The following FGF5 variants were observed in gnomAD, a reference collection of about 807,000 sequenced individuals.
FGF5 encodes heparin-binding growth factor 5.
Under a neutral mutation model 21.8 loss-of-function variants are expected in FGF5, and 23 were observed. That is an observed-to-expected ratio of 1.05 (90% CI 0.76 to 1.49). The LOEUF (loss-of-function observed/expected upper bound fraction) is 1.49. Among genes scored for constraint, FGF5 ranks in the 40% most tolerant of loss-of-function variants. The probability of loss-of-function intolerance (pLI) is 0.00; values close to 1 mark genes in which losing one functional copy is unlikely to be tolerated. For synonymous variants in FGF5, 158 were observed against 124.0 expected (o/e 1.27, Z -1.82); for missense variants, 352 against 332.9 (o/e 1.06, Z -0.45).
chr4:80,275,683 C>A (rs1232507890), intron 2 of FGF5, among the ~76,000 whole-genome samples: 2 of 151,894 alleles, frequency 1.3e-5, no homozygotes, highest in East Asian at 3.8e-4. Flanking sequence ...TATGAAAGTT[C>A]CCATTACCTG....
intron 2 of FGF5, among the ~76,000 whole-genome samples, chr4:80,284,128 G>A (rs1432858234): frequency 6.6e-6 from 1 of 152,132 alleles, no homozygotes; most frequent in Non-Finnish European, 1.5e-5. Context: ...TACATAGGTG[G>A]TGATTGTTTA....
chr4:80,267,353 C>A (rs1578289510), intron 1 of FGF5, among the ~76,000 whole-genome samples, 174 bp downstream of exon 1: 1 of 152,156 alleles, frequency 6.6e-6, no homozygotes, highest in Non-Finnish European at 1.5e-5. Flanking sequence ...ATATGGCGTG[C>A]GCACACGCAC....
At chr4:80,286,260 T>TA in intron 2 of FGF5, 65 bp from the exon 3 acceptor site, 1 of 1,106,234 alleles carries the variant, frequency 9.0e-7, no homozygotes, top group Admixed American at 2.3e-5. Flanking sequence ...TACAATACCT[T>TA]ATGTTTTATT....
At position 80,289,783 on chromosome 4, in the gene FGF5, C is replaced by A. The variant is rs1489480668; in HGVS notation, c.*3111C>A. 1 of 151,812 alleles carries A rather than the reference C, an allele frequency of 6.6e-6. No individual in the cohort carries two copies. Among genetic ancestry groups the A allele is most frequent in the African/African-American group, 2.4e-5 (1 of 41,334 alleles). The allele number at this position is 151,812 out of a possible 1,614,324, so 9.4% of individuals were successfully genotyped here. The stretch of plus-strand genomic sequence containing the variant: ...GTTCTTTCAGCTGAATTATATTGGT[C>A]CAGAAGTTCAAAATCATGTGACAAT... On this transcript the variant is annotated 3_prime_UTR_variant, in exon 3 of 3. Transcript: ENST00000312465.
chr4:80,284,207 G>T (rs906475742), intron 2 of FGF5, among the ~76,000 whole-genome samples: 1 of 152,146 alleles, frequency 6.6e-6, no homozygotes. Context: ...GCCGAGGCAG[G>T]CAGATTATCT....
chr4:80,281,411 T>C (rs921579755), intron 2 of FGF5, among the ~76,000 whole-genome samples: 13 of 152,226 alleles, frequency 8.5e-5, no homozygotes, highest in African/African-American at 3.1e-4. Flanking sequence ...TTTTGTTATT[T>C]AATAATATTA....
At chr4:80,267,321 C>G (rs1720125208) in intron 1 of FGF5, 142 bp downstream of exon 1, 2 of 679,068 alleles carry the variant, frequency 2.9e-6, no homozygotes, top group South Asian at 1.9e-5. Flanking sequence ...AACAGCCGGG[C>G]GGGTTGGGTG....
chr4:80,267,647 C>T (rs1720134669), intron 1 of FGF5, among the ~76,000 whole-genome samples: 1 of 152,214 alleles, frequency 6.6e-6, no homozygotes, highest in Non-Finnish European at 1.5e-5. Flanking sequence ...TTCCCTCTTC[C>T]ATCCGCTACC....
At chr4:80,280,158 G>A (rs1175806471) in intron 2 of FGF5, among the ~76,000 whole-genome samples, 1 of 152,180 alleles carries the variant, frequency 6.6e-6, no homozygotes, top group Non-Finnish European at 1.5e-5. Flanking sequence ...CTAGATCAAG[G>A]CATTTGAAAA....
rs1305888858 is a variant in FGF5 at position 80,287,291 on chromosome 4, A to C, written c.*619A>C. 1 of 152,112 alleles carries C rather than the reference A, an allele frequency of 6.6e-6. No homozygotes were observed. The highest frequency in any genetic ancestry group is 2.4e-5 in the African/African-American group (1 of 41,420). 9.4% of individuals were successfully genotyped at this position (152,112 alleles called of 1,614,324 possible). A position where few individuals can be genotyped will look rare whatever the true frequency, so the allele number is the denominator to read the frequency against. On this transcript the variant is annotated 3_prime_UTR_variant, in exon 3 of 3. Coordinates refer to ENST00000312465, the MANE Select transcript of FGF5 (RefSeq NM_004464.4). ...TTTATTTCTAGCCATACCTCAGATA[A>C]TATGTTTAGTTTTACATTTTAAAAT...
At chr4:80,285,164 T>C (rs1456625613) in intron 2 of FGF5, among the ~76,000 whole-genome samples, 3 of 152,116 alleles carry the variant, frequency 2.0e-5, no homozygotes. Context: ...TTTGATTGCA[T>C]GTCTGACTCC....
chr4:80,281,789 A>G (rs1720561246), intron 2 of FGF5, among the ~76,000 whole-genome samples: 1 of 152,174 alleles, frequency 6.6e-6, no homozygotes, highest in South Asian at 2.1e-4. Context: ...TATTTGGTTT[A>G]ATTGACCTGT....
In FGF5 at chr4:80,266,767, G is replaced by T; in HGVS notation, c.-58G>T. 7.1e-7 allele frequency: 1 copy of T among 1,413,626 alleles called. No individual in the cohort carries two copies. Among genetic ancestry groups the T allele is most frequent in the Non-Finnish European group, 9.5e-7 (1 of 1,047,264 alleles). The allele number at this position is 1,413,626 out of a possible 1,614,324, so 87.6% of individuals were successfully genotyped here. On this transcript the variant is annotated 5_prime_UTR_variant, in exon 1 of 3. Coordinates refer to ENST00000312465, the MANE Select transcript of FGF5 (RefSeq NM_004464.4). ...GCCAGAGGCACGCAGCCGCACAGGG[G>T]CTACAGAGCCCAGAATCAGCCCTAC...
At chr4:80,272,535 A>G (rs1224599578) in intron 1 of FGF5, among the ~76,000 whole-genome samples, 1 of 152,158 alleles carries the variant, frequency 6.6e-6, no homozygotes, top group Non-Finnish European at 1.5e-5. Context: ...TATTTCTATT[A>G]AAACAAATAT....
chr4:80,284,614 T>C (rs1720657353), intron 2 of FGF5, among the ~76,000 whole-genome samples: 1 of 152,188 alleles, frequency 6.6e-6, no homozygotes, highest in Admixed American at 6.5e-5. Flanking sequence ...CACTTAAATA[T>C]AAGTAACTCC....
chr4:80,269,893 C>T (rs1207274773), intron 1 of FGF5, among the ~76,000 whole-genome samples: 3 of 151,402 alleles, frequency 2.0e-5, no homozygotes, highest in African/African-American at 4.9e-5. Context: ...AAAATTTTTA[C>T]TACCTTTGAT....
intron 1 of FGF5, chr4:80,268,391 G>C (rs1207887027): frequency 9.1e-6 from 6 of 660,250 alleles, no homozygotes; most frequent in East Asian, 1.4e-4. Flanking sequence ...CAGTCACCTG[G>C]TTTCAGTGTC....
Position 80,289,280 on chromosome 4 carries a change from T to C in FGF5, c.*2608T>C, listed in dbSNP as rs1456604123. ...CTCGGCCTCCCCAAAGTGCTGGGAT[T>C]ACAGGTACAATGATGTATAATTAAT... On this transcript the variant is annotated 3_prime_UTR_variant, in exon 3 of 3. Transcript: ENST00000312465. 1 of 152,168 alleles carries C rather than the reference T, an allele frequency of 6.6e-6. No homozygotes were observed. The highest frequency in any genetic ancestry group is 1.5e-5 in the Non-Finnish European group (1 of 68,044). The allele number at this position is 152,168 out of a possible 1,614,324, so 9.4% of individuals were successfully genotyped here. A position where few individuals can be genotyped will look rare whatever the true frequency, so the allele number is the denominator to read the frequency against.
At chr4:80,284,232 G>C (rs1334458179) in intron 2 of FGF5, among the ~76,000 whole-genome samples, 1 of 152,114 alleles carries the variant, frequency 6.6e-6, no homozygotes, top group African/African-American at 2.4e-5. Flanking sequence ...TCAGGAATTC[G>C]AGACAAGCCT....
Sources: gnomAD v4.1 joint callset for allele counts (sites outside exome capture counted in the v4.1 genomes callset) on GRCh38, gnomAD v4.1.1 for gene constraint, MANE v1.5 for transcripts, NCBI Gene and HGNC (gene_info 2026-07-23, HGNC 2026-07-21) for gene names.